PNLIPRP1: variants seen among roughly 807,000 people sequenced by gnomAD.
PNLIPRP1 encodes the protein pancreatic lipase related protein 1, also known as inactive pancreatic lipase-related protein 1.
Under a neutral mutation model 54.6 loss-of-function variants are expected in PNLIPRP1, and 57 were observed. That is an observed-to-expected ratio of 1.04 (90% CI 0.84 to 1.30). The LOEUF is 1.30. Among genes scored for constraint, PNLIPRP1 ranks in the 50% most tolerant of loss-of-function variants. The pLI is 0.00. For synonymous variants in PNLIPRP1, 232 were observed against 208.8 expected, an observed-to-expected ratio of 1.11 and a Z score of -0.96; for missense variants, 567 against 568.5, an observed-to-expected ratio of 1.00 and a Z score of 0.03.
chr10:116,608,838 C>T (rs1053211026), intron 12 of PNLIPRP1, among the ~76,000 whole-genome samples: 1 of 152,190 alleles, frequency 6.6e-6, no homozygotes, highest in Non-Finnish European at 1.5e-5. Flanking sequence ...CATAGCAGAC[C>T]TTGTCCTAGA....
chr10:116,596,720 T>C (rs1847744386), intron 6 of PNLIPRP1, among the ~76,000 whole-genome samples: 1 of 152,120 alleles, frequency 6.6e-6, no homozygotes, highest in Non-Finnish European at 1.5e-5. Context: ...AAGGGCAGAA[T>C]AGAACCTAAA....
At chr10:116,603,161 T>C (rs1554865059) in intron 10 of PNLIPRP1, among the ~76,000 whole-genome samples, 1 of 152,208 alleles carries the variant, frequency 6.6e-6, no homozygotes, top group Non-Finnish European at 1.5e-5. Context: ...AAGTGACAGC[T>C]GCTCGTGCAC....
intron 2 of PNLIPRP1, 128 bp from the exon 3 acceptor site, chr10:116,591,643 T>C: frequency 1.0e-5 from 9 of 892,836 alleles, no homozygotes; most frequent in South Asian, 9.8e-5. Context: ...GTGGGAGGGG[T>C]TGCAGTAGGT....
chr10:116,594,870 T>G lies in PNLIPRP1; in HGVS notation c.465+6T>G, dbSNP rs781947468. 3.1e-6 allele frequency: 5 copies of G among 1,613,564 alleles called. No homozygotes were observed. The highest frequency in any genetic ancestry group is 4.2e-6 in the Non-Finnish European group (5 of 1,179,894). ...AGATGCTCGACATCCTCTTGGTGAG[T>G]CAGCTGGCTGGCCTATGTGAGGAGG... On this transcript the variant is annotated splice_donor_region_variant and intron_variant, in intron 5 of 12. Coordinates refer to ENST00000358834, the MANE Select transcript of PNLIPRP1 (RefSeq NM_006229.4).
At chr10:116,602,375 T>G (rs1303285100) in intron 10 of PNLIPRP1, among the ~76,000 whole-genome samples, 1 of 152,222 alleles carries the variant, frequency 6.6e-6, no homozygotes, top group African/African-American at 2.4e-5. Flanking sequence ...TCCACTGATG[T>G]TGTGATGCAT....
chr10:116,597,790 C>CAGGT (rs781823284), intron 6 of PNLIPRP1, 38 bp from the exon 7 acceptor site: 93 of 1,613,040 alleles, frequency 5.8e-5, no homozygotes, highest in Non-Finnish European at 7.6e-5. Flanking sequence ...CATCTACAGT[C>CAGGT]AGGTCTATTG....
chr10:116,597,981 A>C, intron 7 of PNLIPRP1, 34 bp downstream of exon 7: 1 of 1,614,036 alleles, frequency 6.2e-7, no homozygotes, highest in East Asian at 2.2e-5. Context: ...GTGAGCACGC[A>C]CAACTGTGTT....
chr10:116,599,255 C>CTAAAA (rs1564737757), intron 8 of PNLIPRP1, among the ~76,000 whole-genome samples: 251 of 61,258 alleles, frequency 4.1e-3, no homozygotes, highest in African/African-American at 0.012. Flanking sequence ...AACTCCATCT[C>CTAAAA]GAAAATAAAA....
At position 116,592,376 on chromosome 10, in the gene PNLIPRP1, T is replaced by C. The variant is rs542678961; in HGVS notation, c.205-40T>C. On this transcript the variant is annotated intron_variant, in intron 3 of 12. Coordinates refer to ENST00000358834, the MANE Select transcript of PNLIPRP1 (RefSeq NM_006229.4). Reference sequence around the variant, plus strand: ...GAGGAAGGAAAAAGGCCTGTGAGGCTGGGCTGCGAAAACATGAAGCACTTC... The same window carrying C: ...GAGGAAGGAAAAAGGCCTGTGAGGCCGGGCTGCGAAAACATGAAGCACTTC... The C allele has an allele frequency of 3.9e-6, 6 of 1,556,084 alleles. No individual in the cohort carries two copies. The East Asian group carries it at 6.8e-5, about 18-fold the overall frequency.
chr10:116,601,115 G>A lies in PNLIPRP1; in HGVS notation c.977G>A (p.Gly326Asp), dbSNP rs1589574335. ...PCPDQGCPQM[G>D]HYADKFAGRT... ...CCAGATCAAGGATGCCCACAGATGG[G>A]TCACTATGCTGATAAATTTGCTGGC... is the stretch of plus-strand genomic sequence containing the variant. The change falls in exon 10 of 13, where the codon GGT (glycine) becomes GAT (aspartate). Residue 326 changes from glycine (G) to aspartate (D), a missense_variant. Transcript: ENST00000358834. 6.2e-7 allele frequency: 1 copy of A among 1,613,996 alleles called. No individual in the cohort carries two copies. Among genetic ancestry groups the A allele is most frequent in the Non-Finnish European group, 8.5e-7 (1 of 1,179,936 alleles).
chr10:116,597,860 A>T lies in PNLIPRP1; in HGVS notation c.607A>T (p.Thr203Ser). Residue 203 changes from threonine (T) to serine (S), a missense_variant, in exon 7 of 13, where the codon ACT becomes TCT. Thr to Ser is a moderately conservative substitution (Grantham distance 58). Coordinates refer to ENST00000358834, the MANE Select transcript of PNLIPRP1 (RefSeq NM_006229.4). Reference sequence around the variant, plus strand: ...TCCTGTAGAAGCAAGTTTCGAGAGTACTCCTGAAGAGGTGCGACTTGATCC... The same window carrying T: ...TCCTGTAGAAGCAAGTTTCGAGAGTTCTCCTGAAGAGGTGCGACTTGATCC... ...LDPVEASFES[T>S]PEEVRLDPSD... 2 of 1,614,000 alleles carry T rather than the reference A, an allele frequency of 1.2e-6. No homozygotes were observed. The highest frequency in any genetic ancestry group is 1.7e-6 in the Non-Finnish European group (2 of 1,179,978).
At position 116,596,068 on chromosome 10, in the gene PNLIPRP1, G is replaced by A. The variant is rs184293121; in HGVS notation, c.466-146G>A. On this transcript the variant is annotated intron_variant, in intron 5 of 12. Coordinates refer to ENST00000358834, the MANE Select transcript of PNLIPRP1 (RefSeq NM_006229.4). ...AATAGATGATGAGTTAGGAAAGCTC[G>A]GAGGCCTTCAGAATGAGTTTGGGCT... The A allele has an allele frequency of 4.8e-4, 321 of 662,080 alleles. 3 individuals carry two copies. Among genetic ancestry groups the A allele is most frequent in the African/African-American group, 4.1e-3 (230 of 55,448 alleles). 41.0% of individuals were successfully genotyped at this position (662,080 alleles called of 1,614,324 possible).
chr10:116,602,601 T>C (rs1554864960), intron 10 of PNLIPRP1, among the ~76,000 whole-genome samples: 1 of 151,816 alleles, frequency 6.6e-6, no homozygotes, highest in Non-Finnish European at 1.5e-5. Context: ...TGCCATGACA[T>C]TATGGGACAG....
chr10:116,597,721 G>A, intron 6 of PNLIPRP1, 107 bp from the exon 7 acceptor site: 1 of 1,255,536 alleles, frequency 8.0e-7, no homozygotes, highest in Non-Finnish European at 1.1e-6. Context: ...TCTGGTGCAT[G>A]GTACCCATTG....
intron 5 of PNLIPRP1, 57 bp from the exon 6 acceptor site, chr10:116,596,157 G>A: frequency 4.3e-6 from 5 of 1,161,736 alleles, no homozygotes; most frequent in Non-Finnish European, 5.2e-6. Flanking sequence ...CATTAGGCTG[G>A]CATTTTAGAA....
chr10:116,591,627 A>G, intron 2 of PNLIPRP1, 144 bp from the exon 3 acceptor site: 1 of 801,372 alleles, frequency 1.2e-6, no homozygotes. Context: ...TGGGGTCAAG[A>G]AGAGAGTGGG....
chr10:116,592,016 C>G, intron 3 of PNLIPRP1, 91 bp downstream of exon 3: 1 of 1,381,068 alleles, frequency 7.2e-7, no homozygotes, highest in South Asian at 1.3e-5. Flanking sequence ...GTGCCCTCTT[C>G]CTCCACCATG....
chr10:116,594,607 A>G, intron 4 of PNLIPRP1, 123 bp from the exon 5 acceptor site: 1 of 1,043,254 alleles, frequency 9.6e-7, no homozygotes. Context: ...ATTCCCTAAC[A>G]GAGTCTAGTT....
intron 6 of PNLIPRP1, 113 bp from the exon 7 acceptor site, chr10:116,597,715 G>A (rs782800389): frequency 3.3e-6 from 4 of 1,199,138 alleles, no homozygotes; most frequent in Non-Finnish European, 4.8e-6. Context: ...CATCACTCTG[G>A]TGCATGGTAC....
Sources: gnomAD v4.1 joint callset for allele counts (sites outside exome capture counted in the v4.1 genomes callset) on GRCh38, gnomAD v4.1.1 for gene constraint, MANE v1.5 for transcripts, NCBI Gene and HGNC (gene_info 2026-07-23, HGNC 2026-07-21) for gene names.